The following ERMARD variants were observed in gnomAD, a reference collection of about 807,000 sequenced individuals.
ERMARD encodes endoplasmic reticulum membrane-associated RNA degradation protein.
Under a neutral mutation model 83.9 loss-of-function variants are expected in ERMARD, and 71 were observed. The ratio of observed to expected loss-of-function variants is 0.85; its 90% confidence interval spans 0.70 to 1.03. ERMARD has a LOEUF of 1.03. ERMARD is among the 50% of genes least tolerant of loss of function. ERMARD has a pLI of 0.00. For missense variants in ERMARD, 838 were observed against 810.9 expected (o/e 1.03, Z -0.41); for synonymous variants, 284 against 298.6 (o/e 0.95, Z 0.50).
chr6:169,756,313 C>G, intron 3 of ERMARD, 25 bp from the exon 4 acceptor site: 1 of 1,447,306 alleles, frequency 6.9e-7, no homozygotes, highest in Non-Finnish European at 9.6e-7. Flanking sequence ...AGTGTACATC[C>G]TAATATGTGT....
Position 169,779,262 on chromosome 6 carries a change from G to A in ERMARD, c.1820G>A (p.Gly607Glu), listed in dbSNP as rs926896959. Residue 607 changes from glycine (G) to glutamate (E), a missense_variant, in exon 17 of 18, where the codon GGG (glycine) becomes GAG (glutamate). Physicochemically the swap from Gly to Glu is moderately conservative, Grantham distance 98. Transcript: ENST00000366773. ...LELVNIHAVC[G>E]KNAHEYQQYL... The stretch of plus-strand genomic sequence containing the variant: ...TTGGTCAACATTCATGCTGTTTGTG[G>A]GAAGAATGCGCATGAGTATCAGCAG... 6.2e-7 allele frequency: 1 copy of A among 1,614,146 alleles called. No homozygotes were observed. Among genetic ancestry groups the A allele is most frequent in the African/African-American group, 1.3e-5 (1 of 75,018 alleles).
At chr6:169,752,684 C>A (rs1790287059) in intron 1 of ERMARD, among the ~76,000 whole-genome samples, 1 of 152,138 alleles carries the variant, frequency 6.6e-6, no homozygotes, top group Admixed American at 6.5e-5. Flanking sequence ...CAACACAGCC[C>A]CCCCTTAACT....
intron 9 of ERMARD, 144 bp downstream of exon 9, chr6:169,762,675 T>C: frequency 1.6e-6 from 1 of 632,140 alleles, no homozygotes; most frequent in Non-Finnish European, 2.7e-6. Flanking sequence ...GCCTATCATT[T>C]CTATAGGATT....
chr6:169,753,340 T>A (rs895261385), intron 1 of ERMARD: 5 of 154,402 alleles, frequency 3.2e-5, no homozygotes, highest in African/African-American at 1.2e-4. Context: ...GATGACATTG[T>A]GGTTTTCTTC....
rs546760281 is a variant in ERMARD at position 169,772,345 on chromosome 6, G to A, written c.1234-974G>A. Among the ~76,000 whole-genome samples, 29 of 152,308 alleles carry A rather than the reference G, an allele frequency of 1.9e-4. No individual in the cohort carries two copies. The South Asian group carries it at 5.4e-3, about 28-fold the overall frequency. On this transcript the variant is annotated intron_variant, in intron 12 of 17. Coordinates refer to ENST00000366773, the MANE Select transcript of ERMARD (RefSeq NM_018341.3). ...ATGCAGGCACATGAGTGTACCTCCC[G>A]TTTTCTGCCCAGCACACTCCCTGGT...
In ERMARD at chr6:169,762,563, T is replaced by G; in HGVS notation, c.960+32T>G. ...TTGTTTTTATTATTGATTGTGATCA[T>G]TGTTGCTGTATTAACAGTTTTCTGT... On this transcript the variant is annotated intron_variant, in intron 9 of 17. Coordinates refer to ENST00000366773, the MANE Select transcript of ERMARD (RefSeq NM_018341.3). The G allele has an allele frequency of 1.9e-6, 3 of 1,557,538 alleles. No homozygotes were observed. The Middle Eastern group carries it at 5.1e-4, about 262-fold the overall frequency.
chr6:169,757,948 G>A (rs1318038542), intron 5 of ERMARD, among the ~76,000 whole-genome samples: 7 of 152,204 alleles, frequency 4.6e-5, no homozygotes, highest in Non-Finnish European at 8.8e-5. Context: ...CCCACTTGTG[G>A]CCCCTTCAGC....
chr6:169,766,382 T>G (rs1478943231), intron 9 of ERMARD, among the ~76,000 whole-genome samples: 2 of 152,262 alleles, frequency 1.3e-5, no homozygotes, highest in Non-Finnish European at 2.9e-5. Context: ...ATTTTAGAGA[T>G]AACTGGGCTA....
At chr6:169,752,481 G>A (rs535111005) in intron 1 of ERMARD, among the ~76,000 whole-genome samples, 7 of 152,346 alleles carry the variant, frequency 4.6e-5, no homozygotes, top group African/African-American at 1.7e-4. Context: ...GAGGATGCGA[G>A]TGACAATCGC....
In ERMARD at chr6:169,775,368, G is replaced by A. The variant is rs373582200; in HGVS notation, c.1394+22G>A. ...TCAGGTGCGTGGCATCCTGGGGCCT[G>A]GCTGACCTCAAGCTTGTCTGGTACT... On this transcript the variant is annotated intron_variant, in intron 14 of 17. Transcript: ENST00000366773. 1.2e-5 allele frequency: 20 copies of A among 1,613,284 alleles called. No homozygotes were observed. The African/African-American group carries it at 2.4e-4, about 19-fold the overall frequency.
intron 13 of ERMARD, among the ~76,000 whole-genome samples, chr6:169,774,688 A>G (rs1793376231): frequency 6.6e-6 from 1 of 152,204 alleles, no homozygotes; most frequent in African/African-American, 2.4e-5. Context: ...GTACTTGCTC[A>G]TACGCTAGTG....
intron 13 of ERMARD, among the ~76,000 whole-genome samples, chr6:169,773,818 T>C (rs4716396): frequency 0.3 from 45,878 of 152,072 alleles, 8,008 homozygotes; most frequent in African/African-American, 0.48. Context: ...ATTTTTTAAG[T>C]GTTTCTGCCA....
chr6:169,751,876 C>A, intron 1 of ERMARD: 1 of 656,160 alleles, frequency 1.5e-6, no homozygotes, highest in Non-Finnish European at 2.3e-6. Flanking sequence ...CCCTGCCGGC[C>A]TCCCTGGGCC....
intron 14 of ERMARD, 169 bp from the exon 15 acceptor site, chr6:169,775,771 C>T (rs968479880): frequency 9.0e-5 from 76 of 843,044 alleles, no homozygotes; most frequent in East Asian, 6.1e-4. Flanking sequence ...CATATGGCAT[C>T]GTTTGTTTCT....
At position 169,766,655 on chromosome 6, in the gene ERMARD, C is replaced by G; in HGVS notation, c.978C>G (p.Thr326=). The change falls in exon 10 of 18, where the codon ACC becomes ACG. Residue 326 remains threonine (T), a synonymous_variant. Transcript: ENST00000366773. ...TTCTGAAGTCAACAGCTCTTTATAC[C>G]ACCTTTGATCAAGTAAGTAAGTAAA... ...LLTAESTALY[T]TFDQILAKHL... is the part of the protein sequence containing the mutation. The G allele has an allele frequency of 6.4e-7, 1 of 1,571,662 alleles. No individual in the cohort carries two copies. Among genetic ancestry groups the G allele is most frequent in the Non-Finnish European group, 8.6e-7 (1 of 1,167,240 alleles).
rs953176404 is a variant in ERMARD, at chr6:169,756,435, G to A, written c.413G>A (p.Gly138Asp). The A allele has an allele frequency of 6.3e-7, 1 of 1,597,490 alleles. No homozygotes were observed. Among genetic ancestry groups the A allele is most frequent in the African/African-American group, 1.3e-5 (1 of 74,406 alleles). Residue 138 changes from glycine (G) to aspartate (D), a missense_variant, in exon 4 of 18, where the codon GGT becomes GAT. By Grantham distance (94) the Gly-to-Asp change is moderately conservative (BLOSUM62 -1). Coordinates refer to ENST00000366773, the MANE Select transcript of ERMARD (RefSeq NM_018341.3). The part of the protein sequence containing the change: ...KLTSCLERAL[G>D]DVFLLIGKEC... ...ACATCGTGTCTAGAACGAGCCTTGG[G>A]TGATGTAAGTGTGAGAACTCTTTCA... is the stretch of plus-strand genomic sequence containing the variant.
At chr6:169,754,551 T>C (rs1366638544) in intron 2 of ERMARD, among the ~76,000 whole-genome samples, 2 of 152,204 alleles carry the variant, frequency 1.3e-5, no homozygotes. Flanking sequence ...TGCAAGGTTA[T>C]TCCTTGCAGC....
intron 9 of ERMARD, among the ~76,000 whole-genome samples, chr6:169,765,392 G>A (rs1792072581): frequency 6.6e-6 from 1 of 152,312 alleles, no homozygotes; most frequent in South Asian, 2.1e-4. Context: ...GATTACTTTT[G>A]TGTCATGAGG....
In ERMARD at chr6:169,779,260, T is replaced by G. The variant is rs765636012; in HGVS notation, c.1818T>G (p.Cys606Trp). The change falls in exon 17 of 18, where the codon TGT becomes TGG. Residue 606 changes from cysteine to tryptophan, a missense_variant. Cys to Trp is a radical substitution (Grantham distance 215). Coordinates refer to ENST00000366773, the MANE Select transcript of ERMARD (RefSeq NM_018341.3). ...ALELVNIHAVCGKNAHEYQQY... is the reference protein window; with the variant it reads ...ALELVNIHAVWGKNAHEYQQY... ...AGTTGGTCAACATTCATGCTGTTTG[T>G]GGGAAGAATGCGCATGAGTATCAGC... is the stretch of plus-strand genomic sequence containing the variant. 3.1e-6 allele frequency: 5 copies of G among 1,614,216 alleles called. No individual in the cohort carries two copies. Among genetic ancestry groups the G allele is most frequent in the Middle Eastern group, 1.6e-4 (1 of 6,062 alleles).
Sources: gnomAD v4.1 joint callset for allele counts (sites outside exome capture counted in the v4.1 genomes callset) on GRCh38, gnomAD v4.1.1 for gene constraint, MANE v1.5 for transcripts, NCBI Gene and HGNC (gene_info 2026-07-23, HGNC 2026-07-21) for gene names.